SLC9A2: variants seen among roughly 807,000 people sequenced by gnomAD.
SLC9A2 encodes solute carrier family 9 member A2, also known as sodium/hydrogen exchanger 2.
Under a neutral mutation model 71.7 loss-of-function variants are expected in SLC9A2, and 42 were observed. The ratio of observed to expected loss-of-function variants is 0.59; its 90% CI spans 0.46 to 0.76. SLC9A2 has a LOEUF of 0.76. Ranked by LOEUF, SLC9A2 falls within the 30% of genes least tolerant of loss-of-function variation. SLC9A2 has a pLI of 0.00. For synonymous variants in SLC9A2, 396 were observed against 392.5 expected, an observed-to-expected ratio of 1.01 and a Z score of -0.10; for missense variants, 829 against 1,017.4, an observed-to-expected ratio of 0.81 and a Z score of 2.52.
intron 1 of SLC9A2, among the ~76,000 whole-genome samples, chr2:102,625,196 G>C (rs1676222951): frequency 6.6e-6 from 1 of 152,156 alleles, no homozygotes; most frequent in African/African-American, 2.4e-5. Flanking sequence ...TCTGTTCTCT[G>C]TCTGAAGGAT....
chr2:102,691,516 G>A (rs1316167123), intron 5 of SLC9A2, among the ~76,000 whole-genome samples: 1 of 152,056 alleles, frequency 6.6e-6, no homozygotes, highest in East Asian at 1.9e-4. Context: ...CATATACTCT[G>A]CCTGCAAAAT....
intron 1 of SLC9A2, among the ~76,000 whole-genome samples, chr2:102,643,761 T>C (rs1676658143): frequency 6.6e-6 from 1 of 152,188 alleles, no homozygotes; most frequent in Non-Finnish European, 1.5e-5. Flanking sequence ...TCATCTTTTT[T>C]CATTTTTCAC....
At chr2:102,691,637 TA>T (rs1166851739) in intron 5 of SLC9A2, among the ~76,000 whole-genome samples, 1 of 152,198 alleles carries the variant, frequency 6.6e-6, no homozygotes. Context: ...AATTCAAAGA[TA>T]AAAAGGGCGA....
intron 9 of SLC9A2, among the ~76,000 whole-genome samples, chr2:102,702,996 A>C (rs1473209119): frequency 1.3e-5 from 2 of 152,136 alleles, no homozygotes; most frequent in Non-Finnish European, 2.9e-5. Context: ...TGTTGCATGC[A>C]TTAACTCATT....
intron 3 of SLC9A2, among the ~76,000 whole-genome samples, chr2:102,675,374 A>C (rs998066347): frequency 5.9e-5 from 9 of 152,120 alleles, no homozygotes; most frequent in African/African-American, 2.2e-4. Context: ...GAGCCTTTGG[A>C]ATCTTTAAGG....
At chr2:102,642,065 T>TAATAAC (rs891847172) in intron 1 of SLC9A2, among the ~76,000 whole-genome samples, 38 of 145,082 alleles carry the variant, frequency 2.6e-4, no homozygotes, top group African/African-American at 8.7e-4. Context: ...ATAATAATAA[T>TAATAAC]AAAGAAATAC....
rs1573440583 is a variant in SLC9A2, at chr2:102,710,460, A to G, written c.*1971A>G. On this transcript the variant is annotated 3_prime_UTR_variant, in exon 12 of 12. Coordinates refer to ENST00000233969, the MANE Select transcript of SLC9A2 (RefSeq NM_003048.6). ...GTTTATAACTATTATAAAGAGTTTAACTTTCTGGAACTGAAGGAGAAAACA... is the reference window on the plus strand; with the variant it reads ...GTTTATAACTATTATAAAGAGTTTAGCTTTCTGGAACTGAAGGAGAAAACA... 1 of 152,334 alleles carries G rather than the reference A, an allele frequency of 6.6e-6. No homozygotes were observed. Among genetic ancestry groups the G allele is most frequent in the African/African-American group, 2.4e-5 (1 of 41,564 alleles). The allele number at this position is 152,334 out of a possible 1,614,324, so 9.4% of individuals were successfully genotyped here. A position where few individuals can be genotyped will look rare whatever the true frequency, so the allele number is the denominator to read the frequency against.
At position 102,709,284 on chromosome 2, in the gene SLC9A2, G is replaced by T. The variant is rs1156317203; in HGVS notation, c.*795G>T. 6.6e-6 allele frequency: 1 copy of T among 152,236 alleles called. No individual in the cohort carries two copies. Among genetic ancestry groups the T allele is most frequent in the Admixed American group, 6.5e-5 (1 of 15,274 alleles). The allele number at this position is 152,236 out of a possible 1,614,324, so 9.4% of individuals were successfully genotyped here. A position where few individuals can be genotyped will look rare whatever the true frequency, so the allele number is the denominator to read the frequency against. On this transcript the variant is annotated 3_prime_UTR_variant, in exon 12 of 12. Coordinates refer to ENST00000233969, the MANE Select transcript of SLC9A2 (RefSeq NM_003048.6). Reference sequence around the variant, plus strand: ...CAGCTTACTGTGTTGACAGATTTGGGAGCAGCTTTTGATGAAGTTCCACCC... The same window carrying T: ...CAGCTTACTGTGTTGACAGATTTGGTAGCAGCTTTTGATGAAGTTCCACCC...
At chr2:102,695,769 TAATATATATTATATATATATTA>T (rs1244550641) in intron 7 of SLC9A2, among the ~76,000 whole-genome samples, 2 of 116,986 alleles carry the variant, frequency 1.7e-5, no homozygotes, top group East Asian at 4.3e-4. Context: ...TATATATATA[TAATATATATTATATATATATTA>T]TATATATATT....
intron 3 of SLC9A2, among the ~76,000 whole-genome samples, chr2:102,675,608 G>A (rs546969547): frequency 2.0e-5 from 3 of 151,986 alleles, no homozygotes; most frequent in Non-Finnish European, 4.4e-5. Flanking sequence ...AGGTGCCTAG[G>A]TAGAGACTCA....
intron 7 of SLC9A2, among the ~76,000 whole-genome samples, chr2:102,699,256 G>C (rs1057215238): frequency 6.6e-6 from 1 of 152,168 alleles, no homozygotes; most frequent in Non-Finnish European, 1.5e-5. Flanking sequence ...AGGATTCCTA[G>C]TAGAAGGAAT....
chr2:102,704,271 A>C, intron 9 of SLC9A2, among the ~76,000 whole-genome samples: 1 of 152,190 alleles, frequency 6.6e-6, no homozygotes, highest in East Asian at 1.9e-4. Flanking sequence ...TATGAGTGCC[A>C]CTGCATTCCA....
intron 1 of SLC9A2, among the ~76,000 whole-genome samples, chr2:102,647,948 T>C (rs560568350): frequency 1.3e-5 from 2 of 152,284 alleles, no homozygotes; most frequent in South Asian, 4.1e-4. Flanking sequence ...TCTGAAATTA[T>C]TCCAAACAAT....
chr2:102,669,219 A>T (rs541999543), intron 3 of SLC9A2, among the ~76,000 whole-genome samples: 110 of 152,256 alleles, frequency 7.2e-4, no homozygotes, highest in South Asian at 1.9e-3. Context: ...ATTTGGAGAG[A>T]TGTCTTCTGA....
intron 3 of SLC9A2, among the ~76,000 whole-genome samples, chr2:102,677,794 C>T (rs1403820359): frequency 3.3e-5 from 5 of 152,144 alleles, no homozygotes; most frequent in Non-Finnish European, 5.9e-5. Context: ...TATAATTTCT[C>T]ATTTTTCTCT....
At chr2:102,674,569 A>G (rs921359680) in intron 3 of SLC9A2, among the ~76,000 whole-genome samples, 2 of 152,116 alleles carry the variant, frequency 1.3e-5, no homozygotes, top group Non-Finnish European at 2.9e-5. Context: ...CTGTCTTTCC[A>G]CTTGTGTCCT....
chr2:102,657,922 T>C lies in SLC9A2; in HGVS notation c.648T>C (p.Ala216=). ...TGCTCTTTGGCAGCTTAATCTCAGC[T>C]GTCGATCCTGTGGCTGTGCTTGCTG... ...QNLLFGSLIS[A]VDPVAVLAVF... Residue 216 remains alanine (A), a synonymous_variant, in exon 2 of 12, where the codon GCT becomes GCC. Transcript: ENST00000233969. The C allele has an allele frequency of 6.2e-7, 1 of 1,614,244 alleles. No homozygotes were observed. Among genetic ancestry groups the C allele is most frequent in the Non-Finnish European group, 8.5e-7 (1 of 1,180,030 alleles).
At chr2:102,676,232 TTCATTCCA>T (rs752920482) in intron 3 of SLC9A2, among the ~76,000 whole-genome samples, 4 of 152,178 alleles carry the variant, frequency 2.6e-5, no homozygotes, top group Non-Finnish European at 5.9e-5. Flanking sequence ...CTGGAAAACC[TTCATTCCA>T]TCATCAAAGT....
intron 1 of SLC9A2, among the ~76,000 whole-genome samples, chr2:102,624,311 A>G (rs568623374): frequency 6.6e-6 from 1 of 152,334 alleles, no homozygotes; most frequent in South Asian, 2.1e-4. Flanking sequence ...CACTTTGAAT[A>G]TTTATATTTT....
Sources: gnomAD v4.1 joint callset for allele counts (sites outside exome capture counted in the v4.1 genomes callset) on GRCh38, gnomAD v4.1.1 for gene constraint, MANE v1.5 for transcripts, NCBI Gene and HGNC (gene_info 2026-07-23, HGNC 2026-07-21) for gene names.